Variants in CPLX2 observed in about 807,000 individuals in gnomAD.
CPLX2 encodes the protein complexin-2.
A neutral mutation model predicts 16.3 loss-of-function variants in CPLX2; 5 were observed. The ratio of observed to expected loss-of-function variants is 0.31; its 90% CI spans 0.16 to 0.64. CPLX2 has a LOEUF of 0.64. Ranked by LOEUF, CPLX2 falls within the 30% of genes least tolerant of loss-of-function variation. CPLX2 has a pLI of 0.79. For missense variants in CPLX2, 144 were observed against 181.4 expected, an observed-to-expected ratio of 0.79 and a Z score of 1.18; for synonymous variants, 89 against 73.2, an observed-to-expected ratio of 1.22 and a Z score of -1.10.
At position 175,807,691 on chromosome 5, in the gene CPLX2, CTCATCATTCAT is replaced by C. The variant is rs1286147063; in HGVS notation, c.-168-1293_-168-1283del. 4.6e-5 allele frequency among the ~76,000 whole-genome samples: 4 copies of C among 87,008 alleles called. No homozygotes were observed. The Admixed American group carries it at 4.8e-4, about 10-fold the overall frequency. 57.1% of individuals were successfully genotyped at this position (87,008 alleles called of 152,430 possible). On this transcript the variant is annotated intron_variant, in intron 1 of 4. Coordinates refer to the CPLX2 transcript ENST00000359546. The stretch of plus-strand genomic sequence containing the variant: ...CCTGGCAGAGTCATTCACCCACTTA[CTCATCATTCAT>C]TCATTCATTCATTCACTCAACATAT...
At chr5:175,859,862 C>G (rs865774075) in intron 2 of CPLX2, among the ~76,000 whole-genome samples, 46 of 152,260 alleles carry the variant, frequency 3.0e-4, no homozygotes, top group African/African-American at 1.1e-3. Context: ...AGGATTTGGA[C>G]CTGCCTGATA....
At chr5:175,806,946 T>C (rs1758217484) in intron 1 of CPLX2, among the ~76,000 whole-genome samples, 1 of 152,212 alleles carries the variant, frequency 6.6e-6, no homozygotes, top group Non-Finnish European at 1.5e-5. Context: ...GTAGGGGTTA[T>C]GACATTGGCC....
chr5:175,883,493 A>T lies in CPLX2; in HGVS notation c.*3448A>T, dbSNP rs1165244473. On this transcript the variant is annotated 3_prime_UTR_variant, in exon 4 of 4. Coordinates refer to ENST00000393745, the MANE Select transcript of CPLX2 (RefSeq NM_001008220.2). ...AGCTGGTGGGCAAAGCAGCCACCCC[A>T]CAGCCTTGTGGCTAGAGTACAGTGG... is the stretch of plus-strand genomic sequence containing the variant. The T allele has an allele frequency of 2.6e-5, 4 of 152,272 alleles. No individual in the cohort carries two copies. The highest frequency in any genetic ancestry group is 7.2e-5 in the African/African-American group (3 of 41,430). 9.4% of individuals were successfully genotyped at this position (152,272 alleles called of 1,614,324 possible).
intron 1 of CPLX2, among the ~76,000 whole-genome samples, chr5:175,876,458 G>A (rs1759758047): frequency 6.6e-6 from 1 of 152,024 alleles, no homozygotes; most frequent in Admixed American, 6.6e-5. Flanking sequence ...GAAGAAAAGA[G>A]GAGAGGAGAG....
At chr5:175,868,701 T>A (rs1490468308), upstream of CPLX2, among the ~76,000 whole-genome samples, 3 of 151,816 alleles carry the variant, frequency 2.0e-5, no homozygotes, top group African/African-American at 7.3e-5. Flanking sequence ...GGCAGGTTTT[T>A]TTTTTTTTCT....
At chr5:175,829,596 A>G (rs1468843928) in intron 2 of CPLX2, among the ~76,000 whole-genome samples, 1 of 152,200 alleles carries the variant, frequency 6.6e-6, no homozygotes, top group South Asian at 2.1e-4. Flanking sequence ...GATTCCATCA[A>G]TCTAAGTCTC....
At chr5:175,826,492 A>G (rs1384354621) in intron 2 of CPLX2, among the ~76,000 whole-genome samples, 1 of 152,218 alleles carries the variant, frequency 6.6e-6, no homozygotes, top group African/African-American at 2.4e-5. Context: ...CTCTATGAGA[A>G]TCAAACTGGA....
chr5:175,812,541 A>G (rs1319734960), intron 2 of CPLX2, among the ~76,000 whole-genome samples: 1 of 152,226 alleles, frequency 6.6e-6, no homozygotes, highest in African/African-American at 2.4e-5. Flanking sequence ...AGATGGCAAA[A>G]TGGAAAATTT....
intron 2 of CPLX2, among the ~76,000 whole-genome samples, chr5:175,829,236 G>C (rs371503590): frequency 6.6e-6 from 1 of 152,172 alleles, no homozygotes; most frequent in Non-Finnish European, 1.5e-5. Context: ...AGGCATTACC[G>C]TCCCCAACTT....
chr5:175,851,767 G>A (rs1478213123), intron 2 of CPLX2, among the ~76,000 whole-genome samples: 3 of 152,190 alleles, frequency 2.0e-5, no homozygotes, highest in Non-Finnish European at 4.4e-5. Flanking sequence ...TGGAATCAAC[G>A]CCGGGGCTGT....
At chr5:175,875,658 G>A (rs1019955110) in intron 1 of CPLX2, among the ~76,000 whole-genome samples, 2 of 152,102 alleles carry the variant, frequency 1.3e-5, no homozygotes, top group African/African-American at 2.4e-5. Flanking sequence ...ACTTTCGCCC[G>A]TGAAGTGGAG....
At chr5:175,811,570 A>G (rs993678942) in intron 2 of CPLX2, among the ~76,000 whole-genome samples, 2 of 152,046 alleles carry the variant, frequency 1.3e-5, no homozygotes, top group Admixed American at 1.3e-4. Flanking sequence ...ATCTGAGTTG[A>G]CTTGGCTTGA....
chr5:175,800,595 T>G (rs537553898), intron 1 of CPLX2, among the ~76,000 whole-genome samples: 1 of 152,124 alleles, frequency 6.6e-6, no homozygotes, highest in Admixed American at 6.5e-5. Context: ...AGCTATCAGC[T>G]TGGGATGAGA....
intron 2 of CPLX2, among the ~76,000 whole-genome samples, chr5:175,844,470 AAGAC>A (rs1412423742): frequency 2.6e-4 from 40 of 152,300 alleles, no homozygotes; most frequent in Admixed American, 1.4e-3. Context: ...CTGGTGGGAG[AAGAC>A]AGACAGTCAA....
rs150590077 is a variant in CPLX2, at chr5:175,802,578, G to T, written c.-169+5794G>T. 2.1e-3 allele frequency among the ~76,000 whole-genome samples: 315 copies of T among 152,274 alleles called. 5 individuals are homozygous for T. Among genetic ancestry groups the T allele is most frequent in the Admixed American group, 0.02 (299 of 15,300 alleles). On this transcript the variant is annotated intron_variant, in intron 1 of 4. Coordinates refer to the CPLX2 transcript ENST00000359546. ...GGGTCTTGCAGTTCAAGCAGCAAAT[G>T]GCAAAAGGCTCCGAGGAACTCAGCC...
At chr5:175,854,722 A>G (rs938607529) in intron 2 of CPLX2, among the ~76,000 whole-genome samples, 1 of 152,224 alleles carries the variant, frequency 6.6e-6, no homozygotes, top group African/African-American at 2.4e-5. Flanking sequence ...TAAACATCCC[A>G]AGATCACAGC....
chr5:175,843,024 A>G (rs1036753397), intron 2 of CPLX2, among the ~76,000 whole-genome samples: 2 of 152,294 alleles, frequency 1.3e-5, no homozygotes, highest in East Asian at 3.9e-4. Flanking sequence ...TCATCCCCCC[A>G]GGCTGAGCTA....
At chr5:175,824,771 T>A (rs1225877652) in intron 2 of CPLX2, among the ~76,000 whole-genome samples, 1 of 152,182 alleles carries the variant, frequency 6.6e-6, no homozygotes, top group Non-Finnish European at 1.5e-5. Context: ...AGGAAGAAAT[T>A]GAGCATCAAA....
chr5:175,813,274 T>A (rs566208031), intron 2 of CPLX2, among the ~76,000 whole-genome samples: 21 of 152,342 alleles, frequency 1.4e-4, no homozygotes, highest in Non-Finnish European at 5.9e-5. Flanking sequence ...GTGATCTTTT[T>A]AAAAAGGCAA....
Sources: gnomAD v4.1 joint callset for allele counts (sites outside exome capture counted in the v4.1 genomes callset) on GRCh38, gnomAD v4.1.1 for gene constraint, MANE v1.5 for transcripts, NCBI Gene and HGNC (gene_info 2026-07-23, HGNC 2026-07-21) for gene names.